Variants in FAM169A observed in about 807,000 individuals in gnomAD.
FAM169A encodes the protein family with sequence similarity 169 member A, also known as soluble lamin-associated protein of 75 kDa.
FAM169A carries 24 observed loss-of-function variants against 75.7 expected under a neutral mutation model. The observed-to-expected ratio is 0.32, with a 90% confidence interval of 0.23 to 0.45. The LOEUF is 0.45. FAM169A is among the 20% of genes least tolerant of loss of function. The probability of loss-of-function intolerance (pLI) is 1.00; values close to 1 mark genes in which losing one functional copy is unlikely to be tolerated. For synonymous variants in FAM169A, 271 were observed against 271.0 expected (o/e 1.00, Z 0.00); for missense variants, 673 against 784.0 (o/e 0.86, Z 1.69).
At chr5:74,796,279 C>G in intron 10 of FAM169A, 93 bp from the exon 11 acceptor site, 2 of 1,158,492 alleles carry the variant, frequency 1.7e-6, no homozygotes, top group South Asian at 1.6e-5. Context: ...TTTAGAGAAT[C>G]AACTATGTTG....
chr5:74,786,560 A>G (rs1040516818), intron 11 of FAM169A, among the ~76,000 whole-genome samples: 18 of 152,256 alleles, frequency 1.2e-4, no homozygotes, highest in African/African-American at 4.1e-4. Context: ...GACTCTAAAC[A>G]TAATACCTTT....
chr5:74,833,522 C>T lies in FAM169A; in HGVS notation c.490+904G>A, dbSNP rs748160656. On this transcript the variant is annotated intron_variant, in intron 5 of 12. Transcript: ENST00000687041. The stretch of plus-strand genomic sequence containing the variant: ...AATGACCTTCCTTTTATGGACTATA[C>T]GCACTAATTCTCATCACAAATGTGT... 5.3e-5 allele frequency among the ~76,000 whole-genome samples: 8 copies of T among 152,250 alleles called. No individual in the cohort carries two copies. The South Asian group carries it at 6.2e-4, about 12-fold the overall frequency.
chr5:74,865,536 C>T (rs1361911570), intron 1 of FAM169A: 1 of 152,308 alleles, frequency 6.6e-6, no homozygotes, highest in Non-Finnish European at 1.5e-5. Flanking sequence ...GGGTTCAAGG[C>T]TTCACCTCCT....
intron 1 of FAM169A, among the ~76,000 whole-genome samples, chr5:74,855,843 T>C (rs1361939569): frequency 6.6e-6 from 1 of 152,256 alleles, no homozygotes; most frequent in Non-Finnish European, 1.5e-5. Context: ...GTATTGCTCA[T>C]GCAATCTTTG....
intron 1 of FAM169A, among the ~76,000 whole-genome samples, chr5:74,853,536 T>G (rs1749551379): frequency 6.6e-6 from 1 of 152,088 alleles, no homozygotes; most frequent in Non-Finnish European, 1.5e-5. Flanking sequence ...GGTTTAAAGG[T>G]CAAGACAACA....
chr5:74,780,527 C>G lies in FAM169A; in HGVS notation c.*933G>C, dbSNP rs946653272. Reference sequence around the variant, plus strand: ...AAGGAGATGCCTTAGGAAGGAGCCTCATACTTCTGAAATATAGATGTTAAC... The same window carrying G: ...AAGGAGATGCCTTAGGAAGGAGCCTGATACTTCTGAAATATAGATGTTAAC... On this transcript the variant is annotated 3_prime_UTR_variant, in exon 13 of 13. Transcript: ENST00000687041. 3.3e-5 allele frequency: 5 copies of G among 152,184 alleles called. No individual in the cohort carries two copies. Among genetic ancestry groups the G allele is most frequent in the African/African-American group, 1.2e-4 (5 of 41,438 alleles). 9.4% of individuals were successfully genotyped at this position (152,184 alleles called of 1,614,324 possible). A position where few individuals can be genotyped will look rare whatever the true frequency, so the allele number is the denominator to read the frequency against.
At chr5:74,816,086 C>G (rs1747454709) in intron 5 of FAM169A, among the ~76,000 whole-genome samples, 1 of 152,332 alleles carries the variant, frequency 6.6e-6, no homozygotes, top group East Asian at 1.9e-4. Flanking sequence ...TCTTGGACCC[C>G]TTTCCGGTAA....
intron 6 of FAM169A, among the ~76,000 whole-genome samples, chr5:74,811,552 TAAAG>T (rs2112568047): frequency 6.6e-6 from 1 of 152,308 alleles, no homozygotes; most frequent in South Asian, 2.1e-4. Context: ...CTTTTGGTAT[TAAAG>T]AAGGTGCAGA....
At chr5:74,791,974 A>G (rs1487830983) in intron 11 of FAM169A, among the ~76,000 whole-genome samples, 1 of 152,172 alleles carries the variant, frequency 6.6e-6, no homozygotes, top group East Asian at 1.9e-4. Flanking sequence ...TACTAAGAAA[A>G]TATCTTCATT....
Position 74,866,270 on chromosome 5 carries a change from G to A in FAM169A, c.-109C>T, listed in dbSNP as rs948148760. The stretch of plus-strand genomic sequence containing the variant: ...CGCTGGCGACCTCCGGCCGGTCCCA[G>A]GCCGCACAGCTCGCGGCTGCCAGGG... On this transcript the variant is annotated 5_prime_UTR_variant, in exon 1 of 13. Coordinates refer to ENST00000687041, the MANE Select transcript of FAM169A (RefSeq NM_001376049.1). 3 of 984,024 alleles carry A rather than the reference G, an allele frequency of 3.0e-6. No homozygotes were observed. Among genetic ancestry groups the A allele is most frequent in the Non-Finnish European group, 3.6e-6 (3 of 829,318 alleles). The allele number at this position is 984,024 out of a possible 1,614,324, so 61.0% of individuals were successfully genotyped here.
chr5:74,810,671 AC>A (rs1319161048), intron 6 of FAM169A, among the ~76,000 whole-genome samples: 1 of 144,560 alleles, frequency 6.9e-6, no homozygotes, highest in African/African-American at 2.6e-5. Flanking sequence ...AATGGTGTGA[AC>A]CCGGGAGGCA....
chr5:74,853,654 A>G (rs1272370346), intron 1 of FAM169A, among the ~76,000 whole-genome samples: 1 of 150,468 alleles, frequency 6.6e-6, no homozygotes, highest in Non-Finnish European at 1.5e-5. Flanking sequence ...CTTGCAATAT[A>G]GTTTCTTCGG....
chr5:74,794,173 T>A (rs1455121750), intron 11 of FAM169A, among the ~76,000 whole-genome samples: 1 of 145,648 alleles, frequency 6.9e-6, no homozygotes, highest in Non-Finnish European at 1.5e-5. Flanking sequence ...TCTCGGCGGA[T>A]CATGAAGTCA....
chr5:74,813,778 G>T, intron 6 of FAM169A, 62 bp downstream of exon 6: 1 of 1,273,920 alleles, frequency 7.8e-7, no homozygotes, highest in South Asian at 1.9e-5. Flanking sequence ...ACCGTATTTT[G>T]AAGAAACAAG....
At chr5:74,833,863 T>C (rs1366193973) in intron 5 of FAM169A, among the ~76,000 whole-genome samples, 1 of 152,182 alleles carries the variant, frequency 6.6e-6, no homozygotes, top group Non-Finnish European at 1.5e-5. Context: ...GGTTGCACTA[T>C]TTTTTAAGGA....
At chr5:74,854,491 T>C (rs918498724) in intron 1 of FAM169A, among the ~76,000 whole-genome samples, 3 of 152,218 alleles carry the variant, frequency 2.0e-5, no homozygotes, top group Non-Finnish European at 4.4e-5. Context: ...TATTTTTAAA[T>C]GTAGAATACA....
chr5:74,849,630 T>A (rs944289761), intron 1 of FAM169A, among the ~76,000 whole-genome samples: 1 of 151,996 alleles, frequency 6.6e-6, no homozygotes, highest in Non-Finnish European at 1.5e-5. Context: ...TTCTGAACCT[T>A]ATTATGATTC....
At chr5:74,794,972 A>T (rs1342012957) in intron 11 of FAM169A, among the ~76,000 whole-genome samples, 1 of 151,738 alleles carries the variant, frequency 6.6e-6, no homozygotes, top group East Asian at 1.9e-4. Flanking sequence ...AAGAAAACAA[A>T]ATTAGCTGGG....
At chr5:74,830,579 T>TAAATAATTCCTAGCCTTA (rs1214834719) in intron 5 of FAM169A, among the ~76,000 whole-genome samples, 2 of 152,188 alleles carry the variant, frequency 1.3e-5, no homozygotes, top group African/African-American at 4.8e-5. Flanking sequence ...GAACTATCAT[T>TAAATAATTCCTAGCCTTA]AAATAATTCC....
Sources: gnomAD v4.1 joint callset for allele counts (sites outside exome capture counted in the v4.1 genomes callset) on GRCh38, gnomAD v4.1.1 for gene constraint, MANE v1.5 for transcripts, NCBI Gene and HGNC (gene_info 2026-07-23, HGNC 2026-07-21) for gene names.